The following MAP1B variants were observed in gnomAD, a reference collection of about 807,000 sequenced individuals.
MAP1B encodes microtubule associated protein 1B.
Under a neutral mutation model 176.1 loss-of-function variants are expected in MAP1B, and 12 were observed. That is an observed-to-expected ratio of 0.07 (90% CI 0.04 to 0.11). The LOEUF is 0.11. Ranked by LOEUF, MAP1B falls within the 10% of genes least tolerant of loss-of-function variation. MAP1B has a pLI of 1.00. For missense variants in MAP1B, 2,523 were observed against 2,990.5 expected (o/e 0.84, Z 3.65); for synonymous variants, 1,044 against 1,135.0 (o/e 0.92, Z 1.61).
chr5:72,203,578 A>G lies in MAP1B; in HGVS notation c.7028A>G (p.Lys2343Arg), dbSNP rs1747377906. 6.2e-7 allele frequency: 1 copy of G among 1,613,966 alleles called. No individual in the cohort carries two copies. The highest frequency in any genetic ancestry group is 1.3e-5 in the African/African-American group (1 of 74,916). The change falls in exon 6 of 7, where the codon AAG becomes AGG. Residue 2343 changes from lysine (K) to arginine (R), a missense_variant. Lys to Arg is a conservative substitution (Grantham distance 26, BLOSUM62 2). Transcript: ENST00000296755. ...TTTACCCAAGGACCAGGAACTACCA[A>G]GACGACCAAGTCATCTGCTGTGCCC... Reference protein sequence around the residue: ...KTATAGPGTTKTTKSSAVPPG... With the variant: ...KTATAGPGTTRTTKSSAVPPG...
intron 2 of MAP1B, among the ~76,000 whole-genome samples, chr5:72,134,951 T>A (rs1488691174): frequency 6.7e-6 from 1 of 149,364 alleles, no homozygotes; most frequent in Non-Finnish European, 1.5e-5. Flanking sequence ...TTAGTTCCCT[T>A]CCCATATGAA....
chr5:72,107,768 C>CG, intron 1 of MAP1B, 53 bp downstream of exon 1: 1 of 1,580,052 alleles, frequency 6.3e-7, no homozygotes, highest in Non-Finnish European at 8.6e-7. Flanking sequence ...GCAAACACGA[C>CG]CCCACCCAGG....
In MAP1B at chr5:72,197,067, G is replaced by T. The variant is rs1747190933; in HGVS notation, c.3712G>T (p.Asp1238Tyr). The change falls in exon 5 of 7, where the codon GAC becomes TAC. Residue 1238 changes from aspartate to tyrosine, a missense_variant. By Grantham distance (160) the Asp-to-Tyr change is radical (BLOSUM62 -3). Around this residue, in one of 4 missense-constraint regions of MAP1B, gnomAD observed 1,925 missense variants for 2,126.0 expected, o/e 0.91. Coordinates refer to ENST00000296755, the MANE Select transcript of MAP1B (RefSeq NM_005909.5). ...CSEVKASTTL[D>Y]IKDSISAVSS... is the part of the protein sequence containing the mutation. ...TGAAGTGAAAGCCAGCACCACTTTG[G>T]ACATCAAAGATAGCATCTCAGCTGT... is the stretch of plus-strand genomic sequence containing the variant. 5 of 1,614,030 alleles carry T rather than the reference G, an allele frequency of 3.1e-6. No homozygotes were observed. The highest frequency in any genetic ancestry group is 4.2e-6 in the Non-Finnish European group (5 of 1,180,030).
At chr5:72,157,809 T>A (rs1357420127) in intron 2 of MAP1B, among the ~76,000 whole-genome samples, 1 of 152,168 alleles carries the variant, frequency 6.6e-6, no homozygotes, top group Non-Finnish European at 1.5e-5. Flanking sequence ...GGCAAAGCAG[T>A]TTCAGTAATG....
chr5:72,200,833 A>G (rs1463237420), intron 5 of MAP1B, among the ~76,000 whole-genome samples: 1 of 152,186 alleles, frequency 6.6e-6, no homozygotes, highest in Non-Finnish European at 1.5e-5. Context: ...CCTTTTTTAA[A>G]AAAAATTTTT....
Position 72,197,097 on chromosome 5 carries a change from A to G in MAP1B, c.3742A>G (p.Ser1248Gly). The G allele has an allele frequency of 6.2e-7, 1 of 1,614,242 alleles. No individual in the cohort carries two copies. Among genetic ancestry groups the G allele is most frequent in the Non-Finnish European group, 8.5e-7 (1 of 1,180,050 alleles). ...DIKDSISAVSSEKVSPSKSPS... is the reference protein window; with the variant it reads ...DIKDSISAVSGEKVSPSKSPS... ...CAAAGATAGCATCTCAGCTGTTTCA[A>G]GTGAAAAGGTCAGCCCATCGAAGAG... Residue 1248 changes from serine to glycine, a missense_variant, in exon 5 of 7, where the codon AGT becomes GGT. By Grantham distance (56) the Ser-to-Gly change is moderately conservative (BLOSUM62 0). Coordinates refer to ENST00000296755, the MANE Select transcript of MAP1B (RefSeq NM_005909.5).
At chr5:72,110,772 T>A (rs1349210938) in intron 1 of MAP1B, among the ~76,000 whole-genome samples, 1 of 152,226 alleles carries the variant, frequency 6.6e-6, no homozygotes, top group African/African-American at 2.4e-5. Context: ...GCGACTTGGA[T>A]TCTTGCCATC....
At position 72,199,234 on chromosome 5, in the gene MAP1B, G is replaced by C; in HGVS notation, c.5879G>C (p.Ser1960Thr). Residue 1960 changes from serine (S) to threonine (T), a missense_variant, in exon 5 of 7, where the codon AGT becomes ACT. Ser to Thr is a moderately conservative substitution (Grantham distance 58). This residue lies in a region of MAP1B where 1,925 missense variants were observed against 2,126.0 expected (regional missense o/e 0.91). Coordinates refer to ENST00000296755, the MANE Select transcript of MAP1B (RefSeq NM_005909.5). The surrounding 1 kb of genome is among the most constrained non-coding windows in gnomAD (Gnocchi z 4.2). ...PEEGGYSYDI[S>T]EKTTSPPEVS... Reference sequence around the variant, plus strand: ...GAGGGTGGGTACTCATATGACATAAGTGAAAAGACCACCAGCCCCCCCGAA... The same window carrying C: ...GAGGGTGGGTACTCATATGACATAACTGAAAAGACCACCAGCCCCCCCGAA... The C allele has an allele frequency of 6.2e-7, 1 of 1,614,040 alleles. No homozygotes were observed. Among genetic ancestry groups the C allele is most frequent in the Non-Finnish European group, 8.5e-7 (1 of 1,179,980 alleles).
chr5:72,200,357 C>G lies in MAP1B; in HGVS notation c.7002C>G (p.Thr2334=), dbSNP rs759772358. The G allele has an allele frequency of 1.9e-6, 3 of 1,613,564 alleles. No individual in the cohort carries two copies. Among genetic ancestry groups the G allele is most frequent in the Non-Finnish European group, 2.5e-6 (3 of 1,179,760 alleles). The change falls in exon 5 of 7, where the codon ACC becomes ACG. Residue 2334 remains threonine (T), a synonymous_variant. Transcript: ENST00000296755. The stretch of plus-strand genomic sequence containing the variant: ...CCTCTGCATCCAAGTCGGCCAAGAC[C>G]GCCACTGCAGGTAGGTTGAGAAGGC... ...ANASASKSAK[T]ATAGPGTTKT... is the part of the protein sequence containing the mutation.
intron 1 of MAP1B, among the ~76,000 whole-genome samples, chr5:72,109,054 C>T (rs1414344096): frequency 2.6e-5 from 4 of 152,166 alleles, no homozygotes; most frequent in South Asian, 4.1e-4. Context: ...CCCCACTCCC[C>T]CTCCCCAATA....
At chr5:72,161,289 G>C (rs1039603572) in intron 2 of MAP1B, among the ~76,000 whole-genome samples, 5 of 152,216 alleles carry the variant, frequency 3.3e-5, no homozygotes, top group Non-Finnish European at 5.9e-5. Context: ...CATGTGTACA[G>C]TGAAGTCAGT....
At position 72,205,860 on chromosome 5, in the gene MAP1B, T is replaced by C. The variant is rs1462445507; in HGVS notation, c.*621T>C. ...TCTTAATTTTCTAAAACAAGTTGGC[T>C]AGAAGAAAGTAAAAAGAACAACACT... On this transcript the variant is annotated 3_prime_UTR_variant, in exon 7 of 7. Transcript: ENST00000296755. 1 of 152,404 alleles carries C rather than the reference T, an allele frequency of 6.6e-6. No homozygotes were observed. The highest frequency in any genetic ancestry group is 1.5e-5 in the Non-Finnish European group (1 of 68,090). The allele number at this position is 152,404 out of a possible 1,614,324, so 9.4% of individuals were successfully genotyped here.
chr5:72,131,634 T>G (rs945230786), intron 2 of MAP1B, among the ~76,000 whole-genome samples: 1 of 152,234 alleles, frequency 6.6e-6, no homozygotes, highest in Non-Finnish European at 1.5e-5. Flanking sequence ...CTGCAAAAAT[T>G]CTAATGATAA....
chr5:72,121,163 T>A (rs144570973), intron 2 of MAP1B, among the ~76,000 whole-genome samples: 5 of 152,318 alleles, frequency 3.3e-5, no homozygotes, highest in Non-Finnish European at 7.3e-5. Context: ...GCAAGGGCTG[T>A]CAGGGAACGT....
At chr5:72,136,730 G>A (rs1281692236) in intron 2 of MAP1B, among the ~76,000 whole-genome samples, 2 of 152,066 alleles carry the variant, frequency 1.3e-5, no homozygotes, top group Non-Finnish European at 2.9e-5. Flanking sequence ...TCCTTGAGTT[G>A]TTTTGTATCC....
Position 72,207,962 on chromosome 5 carries a change from C to CTTTTTTTT in MAP1B, c.*2737_*2744dup, listed in dbSNP as rs564543921. 1.6e-4 allele frequency: 18 copies of CTTTTTTTT among 116,004 alleles called. No homozygotes were observed. The highest frequency in any genetic ancestry group is 3.3e-4 in the East Asian group (1 of 3,008). The allele number at this position is 116,004 out of a possible 1,614,324, so 7.2% of individuals were successfully genotyped here. On this transcript the variant is annotated 3_prime_UTR_variant, in exon 7 of 7. Transcript: ENST00000296755. Reference sequence around the variant, plus strand: ...CTCCTCACTTTCTCTCTCTCTCTCTCTTTTTTTTTTTTTTTTTTTTTGCTA... The same window carrying CTTTTTTTT: ...CTCCTCACTTTCTCTCTCTCTCTCTCTTTTTTTTTTTTTTTTTTTTTTTTTTTTTGCTA...
rs367827530 is a variant in MAP1B at position 72,198,482 on chromosome 5, G to T, written c.5127G>T (p.Pro1709=). The stretch of plus-strand genomic sequence containing the variant: ...ATAAGATACCACCTATGGAGGAGCC[G>T]TCCTACACCCAAGATAATGATCTTT... ...LSHKIPPMEE[P]SYTQDNDLSE... is the part of the protein sequence containing the mutation. Residue 1709 remains proline (P), a synonymous_variant, in exon 5 of 7, where the codon CCG becomes CCT. Transcript: ENST00000296755. The T allele has an allele frequency of 5.0e-6, 8 of 1,613,728 alleles. No individual in the cohort carries two copies. The highest frequency in any genetic ancestry group is 5.9e-6 in the Non-Finnish European group (7 of 1,180,030).
chr5:72,183,600 T>C (rs1561309578), intron 2 of MAP1B, 143 bp from the exon 3 acceptor site: 5 of 623,916 alleles, frequency 8.0e-6, no homozygotes, highest in African/African-American at 1.8e-5. Flanking sequence ...ACCAATTGTG[T>C]TTCCCAAGAT....
At chr5:72,141,691 T>C (rs910210847) in intron 2 of MAP1B, among the ~76,000 whole-genome samples, 1 of 152,230 alleles carries the variant, frequency 6.6e-6, no homozygotes, top group Non-Finnish European at 1.5e-5. Context: ...AGAATCAGTC[T>C]GTCTGGAAAT....
Sources: allele counts gnomAD v4.1 joint callset (sites outside exome capture counted in the v4.1 genomes callset), GRCh38; gene constraint gnomAD v4.1.1; regional missense constraint gnomAD v4.1.1; non-coding constraint Gnocchi (gnomAD v3.1); transcripts MANE v1.5; gene names NCBI Gene and HGNC (gene_info 2026-07-23, HGNC 2026-07-21).